The following LINGO2 variants were observed in gnomAD, a reference collection of about 807,000 sequenced individuals.
LINGO2 encodes leucine-rich repeat and immunoglobulin-like domain-containing nogo receptor-interacting protein 2.
In LINGO2, 14 loss-of-function variants were observed where a neutral mutation model predicts 30.6. The ratio of observed to expected loss-of-function variants is 0.46; its 90% CI spans 0.30 to 0.72. The LOEUF (loss-of-function observed/expected upper bound fraction) is 0.72, where lower values mean the gene tolerates loss of function less well. LINGO2 is among the 30% of genes least tolerant of loss of function. The pLI, the probability that LINGO2 is intolerant of heterozygous loss-of-function variation, is 0.07. For missense variants in LINGO2, 729 were observed against 751.7 expected, an observed-to-expected ratio of 0.97 and a Z score of 0.35; for synonymous variants, 317 against 288.5, an observed-to-expected ratio of 1.10 and a Z score of -1.00.
the LINGO2 span, among the ~76,000 whole-genome samples, chr9:28,786,689 CCTCA>C: frequency 6.6e-6 from 1 of 152,068 alleles, no homozygotes; most frequent in Admixed American, 6.5e-5. Context: ...TACTGTCTGT[CCTCA>C]CTCACATTGT....
rs557003832 is a variant in LINGO2 at position 28,648,115 on chromosome 9, T to C, written c.-365+22085A>G. Among the ~76,000 whole-genome samples the C allele has an allele frequency of 3.9e-5, 6 of 152,198 alleles. No individual in the cohort carries two copies. The South Asian group carries it at 1.2e-3, about 32-fold the overall frequency. On this transcript the variant is annotated intron_variant, in intron 1 of 5. Coordinates refer to ENST00000379992, the Ensembl canonical transcript of LINGO2. ...TAATGATCCCTGCAAAATTCCACTG[T>C]AGAATGACAGTAACTTGTAATTCTC... is the stretch of plus-strand genomic sequence containing the variant.
intron 4 of LINGO2, among the ~76,000 whole-genome samples, chr9:28,189,300 G>A (rs1819672309): frequency 1.6e-5 from 1 of 64,286 alleles, no homozygotes; most frequent in Non-Finnish European, 3.6e-5. Context: ...AGGAAGGAAG[G>A]AAGGGAGGAA....
At chr9:28,078,141 C>T (rs1013377014) in intron 4 of LINGO2, among the ~76,000 whole-genome samples, 1 of 149,120 alleles carries the variant, frequency 6.7e-6, no homozygotes, top group African/African-American at 2.6e-5. Context: ...TATTTATATT[C>T]CATCATTTCT....
chr9:28,752,846 C>T, the LINGO2 span, among the ~76,000 whole-genome samples: 1 of 152,010 alleles, frequency 6.6e-6, no homozygotes, highest in Non-Finnish European at 1.5e-5. Context: ...CTGGCTCTCC[C>T]ATTTTCTGCC....
chr9:28,787,521 C>A, the LINGO2 span, among the ~76,000 whole-genome samples: 1 of 152,066 alleles, frequency 6.6e-6, no homozygotes, highest in African/African-American at 2.4e-5. Context: ...GCTTGACTTC[C>A]CTGTCACAAA....
intron 5 of LINGO2, among the ~76,000 whole-genome samples, chr9:27,974,849 C>T (rs1820522123): frequency 6.6e-6 from 1 of 152,090 alleles, no homozygotes; most frequent in South Asian, 2.1e-4. Context: ...TAATCTCAAC[C>T]TGTTCGAGGA....
At chr9:29,078,464 A>T in the LINGO2 span, among the ~76,000 whole-genome samples, 1 of 152,004 alleles carries the variant, frequency 6.6e-6, no homozygotes, top group Admixed American at 6.6e-5. Flanking sequence ...GCACACAATT[A>T]TTCTTAAGAA....
At chr9:28,029,418 C>G (rs1454409897) in intron 4 of LINGO2, among the ~76,000 whole-genome samples, 1 of 152,080 alleles carries the variant, frequency 6.6e-6, no homozygotes, top group Non-Finnish European at 1.5e-5. Flanking sequence ...CAGAGCTACT[C>G]GGTTAACAGA....
At chr9:28,513,182 A>T (rs1820484669) in intron 1 of LINGO2, among the ~76,000 whole-genome samples, 2 of 152,176 alleles carry the variant, frequency 1.3e-5, no homozygotes, top group South Asian at 4.1e-4. Flanking sequence ...AAACAGGCAA[A>T]AAAACAATTG....
At chr9:27,950,693 C>A (rs1417730576) in exon 6 of LINGO2, 2 of 1,493,038 alleles carry the variant, frequency 1.3e-6, no homozygotes, top group Middle Eastern at 1.8e-4. Flanking sequence ...TTAGTCTACA[C>A]CTTGGTCACG....
intron 4 of LINGO2, among the ~76,000 whole-genome samples, chr9:28,024,701 C>T (rs1823292485): frequency 6.6e-6 from 1 of 152,194 alleles, no homozygotes; most frequent in East Asian, 1.9e-4. Context: ...TCCAATGTTC[C>T]AAAGTCATTG....
chr9:28,192,013 G>C (rs1819839546), intron 4 of LINGO2, among the ~76,000 whole-genome samples: 2 of 151,920 alleles, frequency 1.3e-5, no homozygotes, highest in Non-Finnish European at 2.9e-5. Flanking sequence ...CCACTTGAAA[G>C]CCCGACTTGT....
At chr9:29,019,848 G>T in the LINGO2 span, among the ~76,000 whole-genome samples, 2 of 152,030 alleles carry the variant, frequency 1.3e-5, no homozygotes, top group South Asian at 2.1e-4. Context: ...AGTTACAAAA[G>T]CTCAGTCTCT....
At chr9:28,052,740 C>T (rs1248833730) in intron 4 of LINGO2, among the ~76,000 whole-genome samples, 1 of 152,040 alleles carries the variant, frequency 6.6e-6, no homozygotes. Flanking sequence ...AAAGAATTTT[C>T]TTAAGGAATC....
At chr9:27,969,816 A>G (rs935771770) in intron 5 of LINGO2, among the ~76,000 whole-genome samples, 2 of 152,154 alleles carry the variant, frequency 1.3e-5, no homozygotes, top group African/African-American at 4.8e-5. Context: ...GAGCTACTAG[A>G]TCAAGGTCAG....
At chr9:28,856,768 T>C in the LINGO2 span, among the ~76,000 whole-genome samples, 4 of 151,874 alleles carry the variant, frequency 2.6e-5, no homozygotes, top group African/African-American at 7.3e-5. Flanking sequence ...AATAATCAGA[T>C]TGACACCTAA....
chr9:28,651,057 G>T (rs1828080558), intron 1 of LINGO2, among the ~76,000 whole-genome samples: 1 of 151,954 alleles, frequency 6.6e-6, no homozygotes, highest in Admixed American at 6.6e-5. Flanking sequence ...CGGGCATGGT[G>T]GTGGGCACCT....
the LINGO2 span, among the ~76,000 whole-genome samples, chr9:28,679,490 G>A: frequency 6.6e-6 from 1 of 152,138 alleles, no homozygotes; most frequent in African/African-American, 2.4e-5. Context: ...TAAGATTCCA[G>A]ATACCTAGAG....
At chr9:28,160,260 T>C (rs1350221552) in intron 4 of LINGO2, among the ~76,000 whole-genome samples, 1 of 152,208 alleles carries the variant, frequency 6.6e-6, no homozygotes, top group Non-Finnish European at 1.5e-5. Flanking sequence ...AAGACCATCT[T>C]GTGTGATATC....
Sources: gnomAD v4.1 joint callset for allele counts (sites outside exome capture counted in the v4.1 genomes callset) on GRCh38, gnomAD v4.1.1 for gene constraint, MANE v1.5 for transcripts, NCBI Gene and HGNC (gene_info 2026-07-23, HGNC 2026-07-21) for gene names.